The following PDE4D variants were observed in gnomAD, a reference collection of about 807,000 sequenced individuals.
The protein encoded by PDE4D is phosphodiesterase 4D.
A neutral mutation model predicts 87.4 loss-of-function variants in PDE4D; 24 were observed. The ratio of observed to expected loss-of-function variants is 0.27; its 90% CI spans 0.20 to 0.39. PDE4D has a LOEUF of 0.39. Ranked by LOEUF, PDE4D falls within the 10% of genes least tolerant of loss-of-function variation. PDE4D has a pLI of 1.00. For missense variants in PDE4D, 714 were observed against 1,041.0 expected (o/e 0.69, Z 4.32); for synonymous variants, 384 against 383.2 (o/e 1.00, Z -0.02).
At chr5:60,402,690 A>G (rs1480572692) in intron 1 of PDE4D, among the ~76,000 whole-genome samples, 3 of 152,240 alleles carry the variant, frequency 2.0e-5, no homozygotes, top group Admixed American at 6.5e-5. Flanking sequence ...GGAGCAGTCA[A>G]CTGGCTTCAT....
chr5:59,078,525 T>C (rs924106179), intron 5 of PDE4D, among the ~76,000 whole-genome samples: 2 of 151,384 alleles, frequency 1.3e-5, no homozygotes, highest in East Asian at 2.0e-4. Context: ...TTTTTTTTTT[T>C]GGTGACAGGG....
chr5:59,555,533 A>G (rs976433930), intron 1 of PDE4D, among the ~76,000 whole-genome samples: 1 of 152,176 alleles, frequency 6.6e-6, no homozygotes, highest in Non-Finnish European at 1.5e-5. Flanking sequence ...GATGAAATGC[A>G]TAGGGCAAAG....
chr5:59,373,373 T>A (rs1784238915), intron 1 of PDE4D, among the ~76,000 whole-genome samples: 1 of 152,148 alleles, frequency 6.6e-6, no homozygotes. Flanking sequence ...TAGAATTTCA[T>A]AATGTAATTA....
intron 1 of PDE4D, among the ~76,000 whole-genome samples, chr5:59,891,005 C>A (rs1330088253): frequency 1.3e-5 from 2 of 152,142 alleles, no homozygotes; most frequent in Non-Finnish European, 2.9e-5. Flanking sequence ...ACATGACATG[C>A]AATGTGTGAG....
chr5:60,302,793 G>A (rs1362525362), intron 1 of PDE4D, among the ~76,000 whole-genome samples: 1 of 152,046 alleles, frequency 6.6e-6, no homozygotes, highest in Admixed American at 6.6e-5. Flanking sequence ...GATTTTTGAT[G>A]TGGGAATTTA....
At chr5:59,129,238 T>C (rs959898478) in intron 5 of PDE4D, among the ~76,000 whole-genome samples, 3 of 152,188 alleles carry the variant, frequency 2.0e-5, no homozygotes, top group Admixed American at 6.5e-5. Context: ...AAATAATATA[T>C]GTTGGAATGC....
intron 3 of PDE4D, among the ~76,000 whole-genome samples, chr5:59,911,160 G>A (rs1183983780): frequency 2.0e-5 from 3 of 152,160 alleles, no homozygotes; most frequent in Non-Finnish European, 2.9e-5. Flanking sequence ...GGCTGTTGTA[G>A]GACTAACAAA....
At chr5:60,240,906 T>C (rs1005988911) in intron 1 of PDE4D, among the ~76,000 whole-genome samples, 1 of 152,082 alleles carries the variant, frequency 6.6e-6, no homozygotes, top group Non-Finnish European at 1.5e-5. Flanking sequence ...CCAAGAAGAA[T>C]GGGTATGAAG....
At chr5:59,020,541 G>A (rs566204632) in intron 6 of PDE4D, among the ~76,000 whole-genome samples, 23 of 151,964 alleles carry the variant, frequency 1.5e-4, no homozygotes, top group Non-Finnish European at 3.2e-4. Context: ...TTTAACACCA[G>A]AAAGTTTGTA....
chr5:59,866,996 G>A (rs150905621), intron 1 of PDE4D, among the ~76,000 whole-genome samples: 157 of 152,272 alleles, frequency 1.0e-3, no homozygotes, highest in East Asian at 6.6e-3. Flanking sequence ...TCCTGAGCAC[G>A]TATGAATTTA....
At chr5:59,401,482 A>ATCTGTCTGTCTG (rs1291212824) in intron 1 of PDE4D, among the ~76,000 whole-genome samples, 9 of 135,726 alleles carry the variant, frequency 6.6e-5, no homozygotes, top group African/African-American at 2.5e-4. Flanking sequence ...CTATCTATCT[A>ATCTGTCTGTCTG]TCTATTTTGA....
At chr5:59,353,413 A>G (rs1355757760) in intron 1 of PDE4D, among the ~76,000 whole-genome samples, 1 of 150,410 alleles carries the variant, frequency 6.6e-6, no homozygotes, top group African/African-American at 2.5e-5. Context: ...ACTTCTCCAC[A>G]TTGTTTTCTT....
intron 1 of PDE4D, among the ~76,000 whole-genome samples, chr5:60,207,856 T>C (rs1043121979): frequency 2.6e-5 from 4 of 152,236 alleles, no homozygotes; most frequent in Non-Finnish European, 5.9e-5. Context: ...CTAGGACTCT[T>C]ACTCATTCCA....
intron 1 of PDE4D, among the ~76,000 whole-genome samples, chr5:59,296,257 T>C (rs1364186863): frequency 6.6e-6 from 1 of 151,994 alleles, no homozygotes; most frequent in Non-Finnish European, 1.5e-5. Flanking sequence ...TAATATTTTA[T>C]AAGTTAATAG....
At chr5:59,585,957 T>C (rs1252248786) in intron 1 of PDE4D, among the ~76,000 whole-genome samples, 1 of 152,198 alleles carries the variant, frequency 6.6e-6, no homozygotes. Flanking sequence ...TATCAGAAAT[T>C]CATGTGTGCC....
At chr5:59,808,996 G>A (rs1460488453) in intron 1 of PDE4D, among the ~76,000 whole-genome samples, 1 of 152,022 alleles carries the variant, frequency 6.6e-6, no homozygotes, top group African/African-American at 2.4e-5. Context: ...TTGGCAGGGG[G>A]GCCGGGGGCA....
intron 11 of PDE4D, among the ~76,000 whole-genome samples, chr5:58,982,338 A>G (rs553125857): frequency 6.6e-6 from 1 of 152,290 alleles, no homozygotes; most frequent in South Asian, 2.1e-4. Context: ...CTGAGTCTTC[A>G]AAAGGCCATT....
intron 1 of PDE4D, among the ~76,000 whole-genome samples, chr5:59,556,097 A>G (rs1818863719): frequency 6.6e-6 from 1 of 152,148 alleles, no homozygotes; most frequent in Non-Finnish European, 1.5e-5. Context: ...TTAACATTAA[A>G]AAATAAGCTT....
chr5:60,080,783 A>G (rs1773838762), intron 2 of PDE4D, among the ~76,000 whole-genome samples: 1 of 152,228 alleles, frequency 6.6e-6, no homozygotes. Context: ...TTGGTTTGCC[A>G]GTATTTTATG....
Sources: allele counts gnomAD v4.1 joint callset (sites outside exome capture counted in the v4.1 genomes callset), GRCh38; gene constraint gnomAD v4.1.1; transcripts MANE v1.5; gene names NCBI Gene and HGNC (gene_info 2026-07-23, HGNC 2026-07-21).